NPLOC4: variants seen among roughly 807,000 people sequenced by gnomAD.
The protein encoded by NPLOC4 is NPL4 homolog, ubiquitin recognition factor, also known as nuclear protein localization protein 4 homolog.
A neutral mutation model predicts 80.6 loss-of-function variants in NPLOC4; 18 were observed. That is an observed-to-expected ratio of 0.22 (90% CI 0.15 to 0.33). The LOEUF is 0.33. Ranked by LOEUF, NPLOC4 falls within the 10% of genes least tolerant of loss-of-function variation. NPLOC4 has a pLI of 1.00. For missense variants in NPLOC4, 540 were observed against 786.1 expected (o/e 0.69, Z 3.74); for synonymous variants, 313 against 301.5 (o/e 1.04, Z -0.39).
At chr17:81,610,621 A>T (rs1450793462) in intron 4 of NPLOC4, among the ~76,000 whole-genome samples, 3 of 152,142 alleles carry the variant, frequency 2.0e-5, no homozygotes, top group Non-Finnish European at 4.4e-5. Flanking sequence ...TGACCCGCAC[A>T]TCAAACCTGT....
intron 1 of NPLOC4, among the ~76,000 whole-genome samples, chr17:81,633,322 G>A (rs1056197767): frequency 5.3e-5 from 8 of 151,758 alleles, no homozygotes; most frequent in Non-Finnish European, 1.0e-4. Flanking sequence ...TTCTAATGAA[G>A]GGGAACATGT....
rs942462244 is a variant in NPLOC4, at chr17:81,565,132, G to C, written c.1669+373C>G. 3.0e-5 allele frequency: 18 copies of C among 595,656 alleles called. No individual in the cohort carries two copies. The African/African-American group carries it at 3.2e-4, about 10-fold the overall frequency. The allele number at this position is 595,656 out of a possible 1,614,324, so 36.9% of individuals were successfully genotyped here. A position where few individuals can be genotyped will look rare whatever the true frequency, so the allele number is the denominator to read the frequency against. On this transcript the variant is annotated intron_variant, in intron 16 of 16. Transcript: ENST00000331134. ...CTCCTTACAGCTTTAAGCACTAAAG[G>C]GAAATTCTCAAGGAGACCAAAAGGT... is the stretch of plus-strand genomic sequence containing the variant.
intron 12 of NPLOC4, among the ~76,000 whole-genome samples, chr17:81,574,258 G>A (rs1473922779): frequency 6.6e-6 from 1 of 152,080 alleles, no homozygotes; most frequent in African/African-American, 2.4e-5. Flanking sequence ...CCCCCTCTAG[G>A]GATTTTTCTT....
chr17:81,573,449 T>C (rs2034213456), intron 12 of NPLOC4: 1 of 151,270 alleles, frequency 6.6e-6, no homozygotes, highest in African/African-American at 2.4e-5. Flanking sequence ...CAGGCCCCCA[T>C]TTGGCCCTTG....
At chr17:81,578,355 A>G (rs947641862) in intron 12 of NPLOC4, among the ~76,000 whole-genome samples, 1 of 152,240 alleles carries the variant, frequency 6.6e-6, no homozygotes, top group Admixed American at 6.5e-5. Flanking sequence ...CTGCTCCCCA[A>G]CAGGACACCT....
In NPLOC4 at chr17:81,580,237, T is replaced by C. The variant is rs1427276940; in HGVS notation, c.1282-8149A>G. On this transcript the variant is annotated intron_variant, in intron 12 of 16. Coordinates refer to ENST00000331134, the MANE Select transcript of NPLOC4 (RefSeq NM_017921.4). The surrounding 1 kb of genome is among the most constrained non-coding windows in gnomAD (Gnocchi z 4.4). ...CAAGCAATGCGCTCACCCCGGGTGG[T>C]GCCTCTGCACTAGCACATCGCCGAC... Among the ~76,000 whole-genome samples the C allele has an allele frequency of 1.3e-5, 2 of 152,156 alleles. No homozygotes were observed. Among genetic ancestry groups the C allele is most frequent in the Non-Finnish European group, 2.9e-5 (2 of 68,018 alleles).
rs535069114 is a variant in NPLOC4 at position 81,571,213 on chromosome 17, A to G, written c.1353+804T>C. ...TACTGCCTGAATCACGTGCCCATCC[A>G]ATTTCAAATGCAGCCTGAATAGATC... On this transcript the variant is annotated intron_variant, in intron 13 of 16. Transcript: ENST00000331134. Among the ~76,000 whole-genome samples the G allele has an allele frequency of 1.4e-4, 22 of 152,294 alleles. No individual in the cohort carries two copies. The South Asian group carries it at 4.3e-3, about 30-fold the overall frequency.
chr17:81,589,754 C>G (rs372695343), intron 11 of NPLOC4, among the ~76,000 whole-genome samples: 32 of 151,532 alleles, frequency 2.1e-4, no homozygotes, highest in African/African-American at 7.8e-4. Flanking sequence ...TCTGAGCACT[C>G]TGAGAGGGCA....
At chr17:81,628,747 C>G (rs1332934871) in intron 2 of NPLOC4, among the ~76,000 whole-genome samples, 1 of 151,972 alleles carries the variant, frequency 6.6e-6, no homozygotes, top group Non-Finnish European at 1.5e-5. Flanking sequence ...GCAACTATCA[C>G]AGTAAATGAA....
chr17:81,618,942 C>G (rs989794711), intron 3 of NPLOC4, among the ~76,000 whole-genome samples: 7 of 152,098 alleles, frequency 4.6e-5, no homozygotes, highest in African/African-American at 1.7e-4. Flanking sequence ...GCTGTGTCCA[C>G]TCAGGGTTAA....
chr17:81,607,056 C>T (rs571730234), intron 6 of NPLOC4, among the ~76,000 whole-genome samples: 12 of 152,278 alleles, frequency 7.9e-5, no homozygotes, highest in African/African-American at 2.9e-4. Flanking sequence ...AACTACTTTC[C>T]TACCAAACTG....
intron 4 of NPLOC4, among the ~76,000 whole-genome samples, chr17:81,612,492 A>G (rs1353507341): frequency 6.6e-6 from 1 of 152,220 alleles, no homozygotes; most frequent in African/African-American, 2.4e-5. Flanking sequence ...AAGTGGCTCC[A>G]TGCCAATGGC....
chr17:81,624,344 G>C (rs1476310356), intron 2 of NPLOC4, among the ~76,000 whole-genome samples: 2 of 152,186 alleles, frequency 1.3e-5, no homozygotes, highest in Non-Finnish European at 2.9e-5. Context: ...CTTGAAACCA[G>C]AAGGCAGAGG....
At chr17:81,609,287 G>C (rs991639070) in intron 5 of NPLOC4, among the ~76,000 whole-genome samples, 1 of 152,172 alleles carries the variant, frequency 6.6e-6, no homozygotes, top group Admixed American at 6.6e-5. Flanking sequence ...CAAAGTGTTA[G>C]CTTTACAGGC....
chr17:81,604,761 ATGCCATC>A, intron 7 of NPLOC4, 34 bp from the exon 8 acceptor site: 1 of 1,546,176 alleles, frequency 6.5e-7, no homozygotes, highest in Admixed American at 1.9e-5. Context: ...TGATGAAAAC[ATGCCATC>A]AAAAAGAAAT....
At chr17:81,609,641 T>C (rs2035291790) in intron 5 of NPLOC4, among the ~76,000 whole-genome samples, 1 of 152,236 alleles carries the variant, frequency 6.6e-6, no homozygotes, top group Admixed American at 6.5e-5. Context: ...AGTTATCTTT[T>C]CAAGATTAAA....
At chr17:81,585,369 G>T (rs2034550122) in intron 12 of NPLOC4, among the ~76,000 whole-genome samples, 1 of 151,776 alleles carries the variant, frequency 6.6e-6, no homozygotes, top group African/African-American at 2.4e-5. Context: ...TATCCACATC[G>T]TTAAGAAATC....
At chr17:81,596,561 G>A (rs1314402051) in intron 10 of NPLOC4, among the ~76,000 whole-genome samples, 1 of 152,058 alleles carries the variant, frequency 6.6e-6, no homozygotes, top group Non-Finnish European at 1.5e-5. Flanking sequence ...GCAAGACTCT[G>A]TCTCAAAAAA....
chr17:81,609,623 T>G (rs1246681174), intron 5 of NPLOC4, among the ~76,000 whole-genome samples: 1 of 152,240 alleles, frequency 6.6e-6, no homozygotes, highest in East Asian at 1.9e-4. Flanking sequence ...AGTTTTTCTT[T>G]GTGTGCCAGT....
Sources: gnomAD v4.1 joint callset for allele counts (sites outside exome capture counted in the v4.1 genomes callset) on GRCh38, gnomAD v4.1.1 for gene constraint, Gnocchi (gnomAD v3.1) non-coding constraint, MANE v1.5 for transcripts, NCBI Gene and HGNC (gene_info 2026-07-23, HGNC 2026-07-21) for gene names.